PLPPR1: variants seen among roughly 807,000 people sequenced by gnomAD.
PLPPR1 encodes the protein phospholipid phosphatase-related protein type 1.
Under a neutral mutation model 33.1 loss-of-function variants are expected in PLPPR1, and 10 were observed. The observed-to-expected ratio is 0.30, with a 90% CI of 0.19 to 0.51. The LOEUF is 0.51. Among genes scored for constraint, PLPPR1 ranks in the 20% least tolerant of loss-of-function variants. The pLI is 0.97. For missense variants in PLPPR1, 304 were observed against 408.1 expected (o/e 0.74, Z 2.20); for synonymous variants, 151 against 151.0 (o/e 1.00, Z 0.00).
chr9:101,234,399 T>C (rs1355230561), intron 2 of PLPPR1, among the ~76,000 whole-genome samples: 1 of 151,916 alleles, frequency 6.6e-6, no homozygotes, highest in Non-Finnish European at 1.5e-5. Flanking sequence ...TCCAGAGAAC[T>C]ATCTCAATGG....
chr9:101,067,018 C>A (rs1219095160), intron 1 of PLPPR1, among the ~76,000 whole-genome samples: 2 of 151,986 alleles, frequency 1.3e-5, no homozygotes, highest in East Asian at 3.9e-4. Flanking sequence ...TGAGAGAATT[C>A]TCATATGTTA....
At chr9:101,088,099 T>C (rs895419612) in intron 1 of PLPPR1, among the ~76,000 whole-genome samples, 9 of 152,182 alleles carry the variant, frequency 5.9e-5, no homozygotes, top group African/African-American at 2.2e-4. Flanking sequence ...AGCATCAAAA[T>C]TTCCCCTGCC....
chr9:101,278,335 G>A (rs1828234107), intron 3 of PLPPR1, among the ~76,000 whole-genome samples: 1 of 152,240 alleles, frequency 6.6e-6, no homozygotes, highest in South Asian at 2.1e-4. Flanking sequence ...GGAGCAAGTT[G>A]GTGGAATAGT....
intron 2 of PLPPR1, among the ~76,000 whole-genome samples, chr9:101,236,711 C>A (rs1827307547): frequency 6.6e-6 from 1 of 151,554 alleles, no homozygotes; most frequent in African/African-American, 2.4e-5. Flanking sequence ...GGATAATTAG[C>A]AAATCTAATA....
At chr9:101,048,783 G>A (rs1830182833) in intron 1 of PLPPR1, among the ~76,000 whole-genome samples, 1 of 152,176 alleles carries the variant, frequency 6.6e-6, no homozygotes, top group African/African-American at 2.4e-5. Context: ...ATCTTCTACA[G>A]GGTGGCTATC....
chr9:101,052,065 A>G (rs1830229023), intron 1 of PLPPR1, among the ~76,000 whole-genome samples: 2 of 152,336 alleles, frequency 1.3e-5, no homozygotes, highest in South Asian at 4.1e-4. Flanking sequence ...ATAATATTTA[A>G]CCTTTTTGTA....
chr9:101,115,514 C>G (rs1831108070), intron 1 of PLPPR1, among the ~76,000 whole-genome samples: 1 of 152,176 alleles, frequency 6.6e-6, no homozygotes, highest in African/African-American at 2.4e-5. Flanking sequence ...AAAGATGTGT[C>G]TTTTCTTCCC....
intron 1 of PLPPR1, among the ~76,000 whole-genome samples, chr9:101,108,874 A>AT (rs558615140): frequency 9.7e-4 from 147 of 151,726 alleles, no homozygotes; most frequent in African/African-American, 3.4e-3. Context: ...ATTAATAAAT[A>AT]TTTTTTCAGT....
chr9:101,314,135 C>A (rs2118961842), intron 6 of PLPPR1, among the ~76,000 whole-genome samples: 1 of 152,270 alleles, frequency 6.6e-6, no homozygotes, highest in South Asian at 2.1e-4. Context: ...AATGAATCCC[C>A]TAACAATGTT....
intron 2 of PLPPR1, among the ~76,000 whole-genome samples, chr9:101,207,497 A>AT (rs903714014): frequency 3.3e-5 from 5 of 152,134 alleles, no homozygotes; most frequent in Non-Finnish European, 4.4e-5. Flanking sequence ...GCCCAGATGC[A>AT]TTTTTTTGAA....
At chr9:101,229,000 G>A (rs1342344130) in intron 2 of PLPPR1, among the ~76,000 whole-genome samples, 1 of 148,276 alleles carries the variant, frequency 6.7e-6, no homozygotes, top group Admixed American at 6.8e-5. Context: ...ATGGGTTGGA[G>A]CCCCCAAGGA....
At chr9:101,055,544 T>A (rs1830269594) in intron 1 of PLPPR1, among the ~76,000 whole-genome samples, 1 of 152,226 alleles carries the variant, frequency 6.6e-6, no homozygotes, top group Non-Finnish European at 1.5e-5. Flanking sequence ...CTCATTGTCT[T>A]GAATAATCTT....
chr9:101,240,353 T>C (rs1377502759), intron 2 of PLPPR1, among the ~76,000 whole-genome samples: 3 of 151,180 alleles, frequency 2.0e-5, no homozygotes, highest in African/African-American at 7.4e-5. Context: ...TTGTTATTTT[T>C]GCTAAGTACT....
In PLPPR1 at chr9:101,108,351, C is replaced by G. The variant is rs116488193; in HGVS notation, c.-45-77099C>G. Among the ~76,000 whole-genome samples the G allele has an allele frequency of 2.5e-3, 384 of 152,296 alleles. 1 individual carries two copies. Among genetic ancestry groups the G allele is most frequent in the African/African-American group, 8.6e-3 (357 of 41,556 alleles). ...GCATCTTGCAAGGCTTATTCTACTTCGTATTCCTGACTGATAGCATAGAAT... is the reference window on the plus strand; with the variant it reads ...GCATCTTGCAAGGCTTATTCTACTTGGTATTCCTGACTGATAGCATAGAAT... On this transcript the variant is annotated intron_variant, in intron 1 of 7. Coordinates refer to ENST00000374874, the MANE Select transcript of PLPPR1 (RefSeq NM_207299.2).
intron 1 of PLPPR1, among the ~76,000 whole-genome samples, chr9:101,071,327 G>A (rs893611126): frequency 2.7e-5 from 4 of 150,688 alleles, no homozygotes. Context: ...GATATTTGGA[G>A]GGAAAAAGTT....
At chr9:101,185,337 A>T (rs1826186506) in intron 1 of PLPPR1, 113 bp from the exon 2 acceptor site, 1 of 494,566 alleles carries the variant, frequency 2.0e-6, no homozygotes, top group East Asian at 3.3e-5. Flanking sequence ...TTGCTTTTGC[A>T]CACAGCCTGC....
intron 1 of PLPPR1, among the ~76,000 whole-genome samples, chr9:101,071,134 C>T (rs1000192287): frequency 2.0e-5 from 3 of 151,996 alleles, no homozygotes; most frequent in African/African-American, 7.2e-5. Context: ...AGTTTGGTGA[C>T]AATGTCAGCC....
chr9:101,138,446 G>C (rs746024933), intron 1 of PLPPR1, among the ~76,000 whole-genome samples: 16 of 152,220 alleles, frequency 1.1e-4, no homozygotes, highest in African/African-American at 2.9e-4. Context: ...TGAATTTAAA[G>C]GTTTACTGCA....
intron 1 of PLPPR1, among the ~76,000 whole-genome samples, chr9:101,114,288 C>T (rs1831093455): frequency 3.3e-5 from 5 of 152,180 alleles, no homozygotes; most frequent in Admixed American, 3.3e-4. Context: ...AAATGAGCAG[C>T]CTAAGACCCA....
Sources: allele counts gnomAD v4.1 joint callset (sites outside exome capture counted in the v4.1 genomes callset), GRCh38; gene constraint gnomAD v4.1.1; transcripts MANE v1.5; gene names NCBI Gene and HGNC (gene_info 2026-07-23, HGNC 2026-07-21).